PTPRG: variants seen among roughly 807,000 people sequenced by gnomAD.
PTPRG encodes the protein receptor-type tyrosine-protein phosphatase gamma.
PTPRG carries 102 observed loss-of-function variants against 165.3 expected under a neutral mutation model. The observed-to-expected ratio is 0.62, with a 90% CI of 0.53 to 0.73. The LOEUF (loss-of-function observed/expected upper bound fraction) is 0.73, where lower values mean the gene tolerates loss of function less well. Ranked by LOEUF, PTPRG falls within the 30% of genes least tolerant of loss-of-function variation. The pLI, the probability that PTPRG is intolerant of heterozygous loss-of-function variation, is 0.00. For missense variants in PTPRG, 1,866 were observed against 1,861.4 expected, an observed-to-expected ratio of 1.00 and a Z score of -0.05; for synonymous variants, 675 against 669.5, an observed-to-expected ratio of 1.01 and a Z score of -0.13.
chr3:62,096,380 C>G (rs1702108633), intron 5 of PTPRG, among the ~76,000 whole-genome samples: 1 of 152,098 alleles, frequency 6.6e-6, no homozygotes, highest in Non-Finnish European at 1.5e-5. Context: ...GGCAATTTTT[C>G]TGAGCTCACT....
rs536958298 is a variant in PTPRG at position 62,242,338 on chromosome 3, T to G, written c.2376-1469T>G. Among the ~76,000 whole-genome samples, 272 of 152,314 alleles carry G rather than the reference T, an allele frequency of 1.8e-3. 13 individuals are homozygous for G. The South Asian group carries it at 0.054, about 30-fold the overall frequency. ...TTCATAGGAAACAAAAAAAACACGC[T>G]CATTTTTCTTCAGTGCTCTATTAGA... On this transcript the variant is annotated intron_variant, in intron 14 of 29. Transcript: ENST00000474889.
chr3:61,990,823 A>C (rs1009509582), intron 3 of PTPRG, among the ~76,000 whole-genome samples: 2 of 151,934 alleles, frequency 1.3e-5, no homozygotes, highest in African/African-American at 4.8e-5. Context: ...CTTGGCTGTC[A>C]GAGCCCTCAT....
rs1026457341 is a variant in PTPRG at position 62,203,343 on chromosome 3, C to T, written c.1548C>T (p.Leu516=). The T allele has an allele frequency of 4.3e-6, 7 of 1,613,318 alleles. No homozygotes were observed. The highest frequency in any genetic ancestry group is 5.9e-6 in the Non-Finnish European group (7 of 1,179,808). Residue 516 remains leucine, a synonymous_variant, in exon 12 of 30, where the codon CTC becomes CTT. Coordinates refer to ENST00000474889, the MANE Select transcript of PTPRG (RefSeq NM_002841.4). The surrounding 1 kb of genome is among the most constrained non-coding windows in gnomAD (Gnocchi z 6.4). The part of the protein sequence containing the change: ...TVASVVTSTL[L]AGLGFGGGGI... ...CCTCGGTGGTCACCAGCACGCTGCT[C>T]GCCGGCCTGGGGTTCGGCGGTGGTG...
At chr3:61,712,317 C>T (rs2031604952) in intron 1 of PTPRG, among the ~76,000 whole-genome samples, 1 of 151,428 alleles carries the variant, frequency 6.6e-6, no homozygotes, top group African/African-American at 2.4e-5. Context: ...AATATCTTGT[C>T]ACAGCGGCTT....
chr3:61,924,148 G>A (rs912348158), intron 2 of PTPRG, among the ~76,000 whole-genome samples: 9 of 152,152 alleles, frequency 5.9e-5, no homozygotes, highest in Admixed American at 2.6e-4. Flanking sequence ...CCTCAAAGGT[G>A]TACTGCTGTA....
At chr3:62,137,592 T>A (rs1052870172) in intron 6 of PTPRG, among the ~76,000 whole-genome samples, 7 of 152,096 alleles carry the variant, frequency 4.6e-5, no homozygotes, top group Middle Eastern at 3.2e-3. Context: ...TACTTCTCAG[T>A]TGTCATGGGT....
chr3:62,076,910 GTGTGCCAGCATTAAAGT>G (rs1701407842), intron 4 of PTPRG, among the ~76,000 whole-genome samples: 2 of 152,186 alleles, frequency 1.3e-5, no homozygotes, highest in Admixed American at 6.5e-5. Flanking sequence ...ATGTCAAAAT[GTGTGCCAGCATTAAAGT>G]TGTATAATGA....
Position 62,273,108 on chromosome 3 carries a change from C to A in PTPRG, c.3318+27C>A, listed in dbSNP as rs150445321. On this transcript the variant is annotated intron_variant, in intron 22 of 29. Coordinates refer to ENST00000474889, the MANE Select transcript of PTPRG (RefSeq NM_002841.4). The surrounding 1 kb of genome is among the most constrained non-coding windows in gnomAD (Gnocchi z 4.1). ...TAAGGAGTAGCTGCCAGCGTCCTCA[C>A]GACATTCTGGCAAATGCTGTAACTG... is the stretch of plus-strand genomic sequence containing the variant. 1.9e-6 allele frequency: 3 copies of A among 1,582,086 alleles called. No homozygotes were observed. The highest frequency in any genetic ancestry group is 2.6e-6 in the Non-Finnish European group (3 of 1,166,270).
intron 5 of PTPRG, among the ~76,000 whole-genome samples, chr3:62,089,807 A>G (rs913848515): frequency 6.6e-6 from 1 of 152,192 alleles, no homozygotes; most frequent in Admixed American, 6.5e-5. Context: ...TATAAAAATG[A>G]TAGAAGAGAG....
At chr3:61,882,661 C>T (rs1174764121) in intron 2 of PTPRG, among the ~76,000 whole-genome samples, 1 of 152,114 alleles carries the variant, frequency 6.6e-6, no homozygotes, top group African/African-American at 2.4e-5. Context: ...GCTAGTTGGC[C>T]TCTTAATTCA....
chr3:61,647,517 A>G (rs576532776), intron 1 of PTPRG, among the ~76,000 whole-genome samples: 18 of 152,258 alleles, frequency 1.2e-4, no homozygotes, highest in East Asian at 3.9e-4. Context: ...TTGGCCGGGC[A>G]CAGTGGCTCA....
intron 2 of PTPRG, among the ~76,000 whole-genome samples, chr3:61,830,450 A>C (rs1049565543): frequency 6.6e-6 from 1 of 152,162 alleles, no homozygotes; most frequent in African/African-American, 2.4e-5. Context: ...ATAGAAAACA[A>C]ACTTTAGGGG....
chr3:61,840,951 T>G (rs965284883), intron 2 of PTPRG, among the ~76,000 whole-genome samples: 3 of 151,962 alleles, frequency 2.0e-5, no homozygotes, highest in Non-Finnish European at 4.4e-5. Context: ...CTGGCTAATT[T>G]TTGTATTTTT....
chr3:62,168,195 A>G, intron 8 of PTPRG, 32 bp downstream of exon 8: 1 of 1,547,382 alleles, frequency 6.5e-7, no homozygotes. Context: ...TGCCCAGAGG[A>G]AGATTCCTTA....
intron 2 of PTPRG, among the ~76,000 whole-genome samples, chr3:61,896,168 C>T (rs1211183362): frequency 6.6e-6 from 1 of 152,078 alleles, no homozygotes; most frequent in Non-Finnish European, 1.5e-5. Flanking sequence ...GTTCCAATAC[C>T]ATAAGGATCC....
intron 6 of PTPRG, among the ~76,000 whole-genome samples, chr3:62,152,279 G>A (rs868533811): frequency 6.6e-6 from 1 of 152,082 alleles, no homozygotes; most frequent in South Asian, 2.1e-4. Flanking sequence ...AGCTGAGAGG[G>A]GAGGATTGCT....
chr3:62,191,229 T>G (rs1699808520), intron 8 of PTPRG, among the ~76,000 whole-genome samples: 1 of 151,328 alleles, frequency 6.6e-6, no homozygotes, highest in African/African-American at 2.4e-5. Context: ...TGTGTGTGCA[T>G]CTGTGTCCCT....
intron 4 of PTPRG, among the ~76,000 whole-genome samples, chr3:62,030,658 C>G (rs1383006490): frequency 6.6e-6 from 1 of 152,028 alleles, no homozygotes; most frequent in Non-Finnish European, 1.5e-5. Flanking sequence ...ATCACAAAAC[C>G]CAGTTTGGGA....
intron 17 of PTPRG, among the ~76,000 whole-genome samples, chr3:62,266,788 A>G (rs1701888995): frequency 6.7e-6 from 1 of 148,804 alleles, no homozygotes; most frequent in Admixed American, 6.8e-5. Context: ...TTATTTTGCT[A>G]TCCTAAAAAA....
Sources: allele counts gnomAD v4.1 joint callset (sites outside exome capture counted in the v4.1 genomes callset), GRCh38; gene constraint gnomAD v4.1.1; non-coding constraint Gnocchi (gnomAD v3.1); transcripts MANE v1.5; gene names NCBI Gene and HGNC (gene_info 2026-07-23, HGNC 2026-07-21).